The following ERCC6L variants were observed in gnomAD, a reference collection of about 807,000 sequenced individuals.
The protein encoded by ERCC6L is DNA excision repair protein ERCC-6-like.
ERCC6L carries 7 observed loss-of-function variants against 20.1 expected under a neutral mutation model. The observed-to-expected ratio is 0.35, with a 90% CI of 0.20 to 0.65. The LOEUF (loss-of-function observed/expected upper bound fraction) is 0.65. ERCC6L is among the 30% of genes least tolerant of loss of function. ERCC6L has a pLI of 0.69. For synonymous variants in ERCC6L, 278 were observed against 331.3 expected, an observed-to-expected ratio of 0.84 and a Z score of 1.75; for missense variants, 592 against 892.4, an observed-to-expected ratio of 0.66 and a Z score of 4.29.
chrX:72,208,943 A>T (rs1025283663), intron 1 of ERCC6L, among the ~76,000 whole-genome samples: 2 of 111,887 alleles, frequency 1.8e-5, no homozygotes, highest in Non-Finnish European at 3.8e-5. Flanking sequence ...TGCAAAGGTT[A>T]TTGGTTCCAC....
intron 1 of ERCC6L, among the ~76,000 whole-genome samples, chrX:72,234,005 G>GGAGGCT (rs1245828075): frequency 9.1e-6 from 1 of 109,463 alleles, no homozygotes; most frequent in African/African-American, 3.3e-5. Context: ...CAGCTACTTG[G>GGAGGCT]GAGGCTGAGG....
At chrX:72,226,464 C>G (rs903791683) in intron 1 of ERCC6L, among the ~76,000 whole-genome samples, 1 of 112,222 alleles carries the variant, frequency 8.9e-6, no homozygotes. Flanking sequence ...AACATATACA[C>G]CGATTCTAAA....
At chrX:72,214,987 AAAAC>A (rs58333692) in intron 1 of ERCC6L, among the ~76,000 whole-genome samples, 4 of 111,863 alleles carry the variant, frequency 3.6e-5, no homozygotes, top group South Asian at 3.7e-4. Context: ...ACTCTGACTC[AAAAC>A]AAACAAACAA....
chrX:72,210,043 C>T (rs994735368), intron 1 of ERCC6L, among the ~76,000 whole-genome samples: 4 of 107,865 alleles, frequency 3.7e-5, no homozygotes, highest in Non-Finnish European at 7.6e-5. Context: ...AATATGATGC[C>T]GAACACACAA....
chrX:72,230,775 G>C (rs1390043264), intron 1 of ERCC6L, among the ~76,000 whole-genome samples: 1 of 111,158 alleles, frequency 9.0e-6, no homozygotes, highest in Non-Finnish European at 1.9e-5. Flanking sequence ...ACCAGCCTGG[G>C]CAACATGGCA....
chrX:72,213,628 T>G (rs903639242), intron 1 of ERCC6L, among the ~76,000 whole-genome samples: 2 of 112,253 alleles, frequency 1.8e-5, no homozygotes, highest in African/African-American at 6.5e-5. Context: ...GTTTCTGATA[T>G]AGCAAGGCGC....
At chrX:72,222,755 GC>G (rs1193604436) in intron 1 of ERCC6L, among the ~76,000 whole-genome samples, 1 of 108,824 alleles carries the variant, frequency 9.2e-6, no homozygotes, top group African/African-American at 3.3e-5. Context: ...GTGTCACCAC[GC>G]CCAGCTAATT....
intron 1 of ERCC6L, among the ~76,000 whole-genome samples, chrX:72,236,659 C>G (rs1444784602): frequency 8.9e-6 from 1 of 112,046 alleles, no homozygotes; most frequent in Non-Finnish European, 1.9e-5. Flanking sequence ...TTTATATGTA[C>G]AGTAAGTCCT....
Position 72,208,526 on chromosome X carries a change from C to A in ERCC6L, c.241G>T (p.Val81Leu), listed in dbSNP as rs1315497088. 11 of 1,210,176 alleles carry A rather than the reference C, an allele frequency of 9.1e-6. No homozygotes were observed. The highest frequency in any genetic ancestry group is 1.1e-5 in the Non-Finnish European group (10 of 895,303). The change falls in exon 2 of 2, where the codon GTG (valine) becomes TTG (leucine). Residue 81 changes from valine to leucine, a missense_variant. This residue lies in a region of ERCC6L where 196 missense variants were observed against 440.1 expected (regional missense o/e 0.45). Coordinates refer to ENST00000334463, the MANE Select transcript of ERCC6L (RefSeq NM_017669.4). ...AEQGDDEFTD[V>L]CNSGLLLYRE... ...TAAAGTAGCAAGCCAGAGTTGCACA[C>A]ATCTGTAAATTCATCATCTCCCTGT...
intron 1 of ERCC6L, among the ~76,000 whole-genome samples, chrX:72,212,081 C>A (rs1476404410): frequency 9.0e-6 from 1 of 110,524 alleles, no homozygotes; most frequent in African/African-American, 3.3e-5. Context: ...TCAGGACCAG[C>A]CTGGCCAACA....
chrX:72,232,057 T>C (rs1400822705), intron 1 of ERCC6L, among the ~76,000 whole-genome samples: 1 of 109,489 alleles, frequency 9.1e-6, no homozygotes, highest in Non-Finnish European at 1.9e-5. Flanking sequence ...CCAGCCTAGA[T>C]GACAGAGCGA....
chrX:72,238,990 T>C lies in ERCC6L; in HGVS notation c.-79A>G, dbSNP rs773454139. The C allele has an allele frequency of 3.2e-4, 300 of 932,685 alleles. No homozygotes were observed. Among genetic ancestry groups the C allele is most frequent in the Non-Finnish European group, 4.2e-4 (281 of 672,730 alleles). The allele number at this position is 932,685 out of a possible 1,213,427, so 76.9% of individuals were successfully genotyped here. On this transcript the variant is annotated 5_prime_UTR_variant, in exon 1 of 2. Coordinates refer to ENST00000334463, the MANE Select transcript of ERCC6L (RefSeq NM_017669.4). ...GGAGCTTGGAGCTTGGAGCTTAGAG[T>C]TTGGAGCTTGAATTTCGCTCACTCC...
At chrX:72,229,804 G>A (rs752377257) in intron 1 of ERCC6L, among the ~76,000 whole-genome samples, 1 of 111,769 alleles carries the variant, frequency 8.9e-6, no homozygotes, top group Non-Finnish European at 1.9e-5. Context: ...CTTGGATTGA[G>A]AGCAAGCAGA....
At chrX:72,218,624 G>C (rs1446314199) in intron 1 of ERCC6L, among the ~76,000 whole-genome samples, 1 of 109,505 alleles carries the variant, frequency 9.1e-6, no homozygotes, top group African/African-American at 3.3e-5. Context: ...CTCCCGAGCA[G>C]CTGGGATTAT....
chrX:72,210,162 T>C (rs1218322355), intron 1 of ERCC6L, among the ~76,000 whole-genome samples: 1 of 102,581 alleles, frequency 9.7e-6, no homozygotes, highest in Non-Finnish European at 1.9e-5. Flanking sequence ...GGTCAGGAGT[T>C]TAAGACTAGC....
At chrX:72,216,989 G>T (rs2042890440) in intron 1 of ERCC6L, among the ~76,000 whole-genome samples, 1 of 112,323 alleles carries the variant, frequency 8.9e-6, no homozygotes, top group African/African-American at 3.2e-5. Context: ...AACATTGGCT[G>T]GTAGGATACC....
intron 1 of ERCC6L, among the ~76,000 whole-genome samples, chrX:72,227,677 C>T (rs769827872): frequency 2.7e-5 from 3 of 111,492 alleles, no homozygotes; most frequent in Non-Finnish European, 5.6e-5. Flanking sequence ...TTCCTATAGC[C>T]AGAAGACTGG....
rs1337087301 is a variant in ERCC6L, at chrX:72,214,727, C to T, written c.69-6029G>A. On this transcript the variant is annotated intron_variant, in intron 1 of 1. Transcript: ENST00000334463. ...TTAGGCCAGGCACGGTGGCTCACAC[C>T]TGTAATCCTAGCACTTTGGGAGGCC... Among the ~76,000 whole-genome samples, 6 of 105,681 alleles carry T rather than the reference C, an allele frequency of 5.7e-5. No individual in the cohort carries two copies. The Admixed American group carries it at 6.1e-4, about 11-fold the overall frequency. 91.8% of individuals were successfully genotyped at this position (105,681 alleles called of 115,157 possible).
chrX:72,212,906 A>C, intron 1 of ERCC6L, among the ~76,000 whole-genome samples: 1 of 111,756 alleles, frequency 8.9e-6, no homozygotes, highest in East Asian at 2.8e-4. Context: ...TCGTGTCACC[A>C]CTGCACTCCA....
Sources: gnomAD v4.1 joint callset for allele counts (sites outside exome capture counted in the v4.1 genomes callset) on GRCh38, gnomAD v4.1.1 for gene constraint, gnomAD v4.1.1 regional missense constraint, MANE v1.5 for transcripts, NCBI Gene and HGNC (gene_info 2026-07-23, HGNC 2026-07-21) for gene names.